The following RORC variants were observed in gnomAD, a reference collection of about 807,000 sequenced individuals.
RORC encodes the protein RAR related orphan receptor C, also known as nuclear receptor ROR-gamma.
In RORC, 13 loss-of-function variants were observed where a neutral mutation model predicts 64.5. That is an observed-to-expected ratio of 0.20 (90% CI 0.13 to 0.32). The LOEUF (loss-of-function observed/expected upper bound fraction) is 0.32, where lower values mean the gene tolerates loss of function less well. Among genes scored for constraint, RORC ranks in the 10% least tolerant of loss-of-function variants. The pLI is 1.00. For synonymous variants in RORC, 277 were observed against 259.3 expected (o/e 1.07, Z -0.65); for missense variants, 468 against 669.5 (o/e 0.70, Z 3.32).
intron 1 of RORC, chr1:151,831,021 C>T: frequency 1.6e-6 from 2 of 1,289,364 alleles, no homozygotes; most frequent in Non-Finnish European, 2.0e-6. Context: ...CTGACCAAGC[C>T]TGTGGCCCTG....
chr1:151,813,726 C>A, intron 6 of RORC, 106 bp from the exon 7 acceptor site: 1 of 1,277,366 alleles, frequency 7.8e-7, no homozygotes. Flanking sequence ...GCTCTGAACT[C>A]CTATGTTCTC....
chr1:151,825,958 G>GCCTTGGCTCCCTGT (rs1204333939), intron 2 of RORC: 1 of 1,613,038 alleles, frequency 6.2e-7, no homozygotes, highest in East Asian at 2.2e-5. Flanking sequence ...GGCTCTGCCG[G>GCCTTGGCTCCCTGT]CCTTGGCTCC....
At chr1:151,827,599 G>C (rs1445928859) in intron 2 of RORC, among the ~76,000 whole-genome samples, 1 of 152,216 alleles carries the variant, frequency 6.6e-6, no homozygotes, top group Non-Finnish European at 1.5e-5. Flanking sequence ...CTCGGCCTGG[G>C]GGAGGCCTTA....
At chr1:151,814,429 T>C (rs1012788898) in intron 6 of RORC, 145 bp downstream of exon 6, 40 of 758,968 alleles carry the variant, frequency 5.3e-5, no homozygotes, top group Non-Finnish European at 7.8e-5. Context: ...CAACTGTACA[T>C]AAAAGGTGTG....
chr1:151,817,187 T>C lies in RORC; in HGVS notation c.156+8A>G. ...ACACATGCATGCATACACATGCCTA[T>C]GACTCACCTTGCACCCCTCACAGGT... is the stretch of plus-strand genomic sequence containing the variant. On this transcript the variant is annotated splice_region_variant and intron_variant, in intron 3 of 10. Coordinates refer to ENST00000318247, the MANE Select transcript of RORC (RefSeq NM_005060.4). 1 of 1,608,654 alleles carries C rather than the reference T, an allele frequency of 6.2e-7. No individual in the cohort carries two copies. The highest frequency in any genetic ancestry group is 8.5e-7 in the Non-Finnish European group (1 of 1,175,012).
intron 2 of RORC, among the ~76,000 whole-genome samples, chr1:151,824,831 C>CT: frequency 6.6e-6 from 1 of 152,222 alleles, no homozygotes; most frequent in East Asian, 1.9e-4. Flanking sequence ...CTTGGCTTGT[C>CT]TAAGTCTATA....
intron 10 of RORC, among the ~76,000 whole-genome samples, chr1:151,809,223 A>T (rs1198549244): frequency 7.3e-6 from 1 of 136,884 alleles, no homozygotes; most frequent in East Asian, 2.0e-4. Context: ...ACATGGTGAA[A>T]CCCTGTCTCT....
Position 151,816,781 on chromosome 1 carries a change from A to G in RORC, c.181T>C (p.Cys61Arg). 3 of 1,560,406 alleles carry G rather than the reference A, an allele frequency of 1.9e-6. No individual in the cohort carries two copies. Among genetic ancestry groups the G allele is most frequent in the Non-Finnish European group, 2.6e-6 (3 of 1,148,326 alleles). ...CGGGTGCAGGAGTAGGCCGCGTTAC[A>G]GCGCTGGCTCCGGCGGAAGAAGCCC... ...CKGFFRRSQRCNAAYSCTRQQ... is the reference protein window; with the variant it reads ...CKGFFRRSQRRNAAYSCTRQQ... The change falls in exon 4 of 11, where the codon TGT (cysteine) becomes CGT (arginine). Residue 61 changes from cysteine (C) to arginine (R), a missense_variant. Cys to Arg is a radical substitution (Grantham distance 180, BLOSUM62 -3). Transcript: ENST00000318247.
chr1:151,817,339 T>TGTACCTGGGCTGCAGATACAG, intron 2 of RORC, 59 bp from the exon 3 acceptor site: 1 of 1,195,606 alleles, frequency 8.4e-7, no homozygotes, highest in Non-Finnish European at 1.3e-6. Context: ...TCAACCACCA[T>TGTACCTGGGCTGCAGATACAG]GTACCTGGGC....
At chr1:151,820,933 G>A (rs1296518356) in intron 2 of RORC, among the ~76,000 whole-genome samples, 1 of 152,170 alleles carries the variant, frequency 6.6e-6, no homozygotes, top group East Asian at 1.9e-4. Context: ...CTTTTCCTGA[G>A]CTCATTCTTG....
intron 10 of RORC, 152 bp downstream of exon 10, chr1:151,811,173 C>A: frequency 2.0e-6 from 1 of 504,606 alleles, no homozygotes; most frequent in South Asian, 3.6e-5. Context: ...GCTGTTCATT[C>A]CCTTAGTTCC....
At chr1:151,817,369 T>C in intron 2 of RORC, 89 bp from the exon 3 acceptor site, 1 of 859,766 alleles carries the variant, frequency 1.2e-6, no homozygotes, top group South Asian at 1.4e-5. Flanking sequence ...AGGTACCTGG[T>C]GCTTCCACTA....
intron 3 of RORC, 72 bp downstream of exon 3, chr1:151,817,123 T>TGC: frequency 1.1e-6 from 1 of 924,184 alleles, no homozygotes; most frequent in Non-Finnish European, 1.8e-6. Flanking sequence ...TGTGTGTGTG[T>TGC]GTGTGTGTGC....
intron 2 of RORC, among the ~76,000 whole-genome samples, chr1:151,820,636 A>G (rs951391127): frequency 6.6e-6 from 1 of 152,148 alleles, no homozygotes; most frequent in African/African-American, 2.4e-5. Context: ...AGCTTTCTCC[A>G]AAAGAAAACT....
In RORC at chr1:151,813,247, C is replaced by G; in HGVS notation, c.1166G>C (p.Arg389Pro). Residue 389 changes from arginine to proline, a missense_variant, in exon 8 of 11, where the codon CGA becomes CCA. Physicochemically the swap from Arg to Pro is moderately radical, Grantham distance 103. Coordinates refer to ENST00000318247, the MANE Select transcript of RORC (RefSeq NM_005060.4). Reference protein sequence around the residue: ...EGKYGGMELFRALGCSELISS... With the variant: ...EGKYGGMELFPALGCSELISS... Reference sequence around the variant, plus strand: ...TTCTCCCTGCCCCTCACCCAAGGCTCGGAACAGCTCCATGCCACCGTATTT... The same window carrying G: ...TTCTCCCTGCCCCTCACCCAAGGCTGGGAACAGCTCCATGCCACCGTATTT... 2 of 1,613,538 alleles carry G rather than the reference C, an allele frequency of 1.2e-6. No homozygotes were observed. The highest frequency in any genetic ancestry group is 1.7e-6 in the Non-Finnish European group (2 of 1,179,528).
chr1:151,816,948 T>C (rs940324219), intron 3 of RORC, 143 bp from the exon 4 acceptor site: 5 of 983,310 alleles, frequency 5.1e-6, no homozygotes, highest in African/African-American at 1.7e-5. Flanking sequence ...ATTTGTGTAA[T>C]TGCAATTTAT....
chr1:151,829,579 G>T, intron 1 of RORC, 121 bp from the exon 2 acceptor site: 1 of 903,916 alleles, frequency 1.1e-6, no homozygotes, highest in Non-Finnish European at 1.6e-6. Flanking sequence ...CGTCTGAAGG[G>T]CAGGCAGGCC....
chr1:151,822,165 G>A (rs1362909129), intron 2 of RORC, among the ~76,000 whole-genome samples: 2 of 151,930 alleles, frequency 1.3e-5, no homozygotes, highest in East Asian at 3.9e-4. Context: ...TCCCCACCGA[G>A]ACCACAGCTC....
chr1:151,809,134 C>T (rs1240757875), intron 10 of RORC, among the ~76,000 whole-genome samples: 1 of 152,098 alleles, frequency 6.6e-6, no homozygotes, highest in Non-Finnish European at 1.5e-5. Flanking sequence ...TGTGGTGGTT[C>T]ACGCCTGTAA....
Sources: allele counts gnomAD v4.1 joint callset (sites outside exome capture counted in the v4.1 genomes callset), GRCh38; gene constraint gnomAD v4.1.1; transcripts MANE v1.5; gene names NCBI Gene and HGNC (gene_info 2026-07-23, HGNC 2026-07-21).